Variants in KANSL1L observed in about 807,000 individuals in gnomAD.
KANSL1L encodes KAT8 regulatory NSL complex subunit 1-like protein.
Under a neutral mutation model 108.6 loss-of-function variants are expected in KANSL1L, and 25 were observed. The ratio of observed to expected loss-of-function variants is 0.23; its 90% CI spans 0.17 to 0.32. KANSL1L has a LOEUF of 0.32. Among genes scored for constraint, KANSL1L ranks in the 10% least tolerant of loss-of-function variants. The pLI, the probability that KANSL1L is intolerant of heterozygous loss-of-function variation, is 1.00. For missense variants in KANSL1L, 1,137 were observed against 1,125.7 expected, an observed-to-expected ratio of 1.01 and a Z score of -0.14; for synonymous variants, 405 against 395.1, an observed-to-expected ratio of 1.03 and a Z score of -0.30.
chr2:210,025,015 C>T, intron 13 of KANSL1L, 89 bp downstream of exon 13: 1 of 797,082 alleles, frequency 1.3e-6, no homozygotes. Context: ...GCATGTTTTC[C>T]TTTTTACTGG....
intron 2 of KANSL1L, among the ~76,000 whole-genome samples, chr2:210,134,803 C>T (rs563247044): frequency 2.6e-5 from 4 of 152,140 alleles, no homozygotes; most frequent in African/African-American, 7.2e-5. Context: ...GGAGGGAACT[C>T]GACTAGGAAA....
intron 3 of KANSL1L, among the ~76,000 whole-genome samples, chr2:210,123,978 T>A (rs1034203751): frequency 3.3e-5 from 5 of 152,096 alleles, no homozygotes; most frequent in Non-Finnish European, 4.4e-5. Flanking sequence ...CATTTACACA[T>A]CTAATAAGAG....
chr2:210,025,214 T>C lies in KANSL1L; in HGVS notation c.2454A>G (p.Ile818Met), dbSNP rs528640048. 21 of 1,502,730 alleles carry C rather than the reference T, an allele frequency of 1.4e-5. No homozygotes were observed. The African/African-American group carries it at 2.1e-4, about 15-fold the overall frequency. The allele number at this position is 1,502,730 out of a possible 1,614,324, so 93.1% of individuals were successfully genotyped here. The change falls in exon 13 of 15, where the codon ATA becomes ATG. Residue 818 changes from isoleucine to methionine, a missense_variant and splice_region_variant. Around this residue, in one of 3 missense-constraint regions of KANSL1L, gnomAD observed 575 missense variants for 567.1 expected, o/e 1.01. Coordinates refer to ENST00000281772, the MANE Select transcript of KANSL1L (RefSeq NM_152519.4). ...AGAAGACTTCATCAGAAAGATCTTCTATCTGGAATTAGAAATAAAGATTTT... is the reference window on the plus strand; with the variant it reads ...AGAAGACTTCATCAGAAAGATCTTCCATCTGGAATTAGAAATAAAGATTTT... ...LDEYNLGKEE[I>M]EDLSDEVFSL...
Position 210,153,311 on chromosome 2 carries a change from AC to A in KANSL1L, c.1088+183del. The A allele has an allele frequency of 1.6e-5, 8 of 509,154 alleles. No individual in the cohort carries two copies. In the South Asian group the frequency reaches 2.1e-4, roughly 13 times the overall value. The allele number at this position is 509,154 out of a possible 1,614,324, so 31.5% of individuals were successfully genotyped here. ...GGAGGTTGCAGTGAGCCAGGATTGC[AC>A]CACTACACTCCAGCCTGGGCGACAG... On this transcript the variant is annotated intron_variant, in intron 2 of 14. Coordinates refer to ENST00000281772, the MANE Select transcript of KANSL1L (RefSeq NM_152519.4).
Position 210,171,366 on chromosome 2 carries a change from CGCA to C in KANSL1L, c.-250_-248del, listed in dbSNP as rs1242317852. ...GCGGTTTAACAGTCCGCCCGCTGCC[CGCA>C]GCTCCGTGCGGCTCGGGGGGACGGA... is the stretch of plus-strand genomic sequence containing the variant. On this transcript the variant is annotated 5_prime_UTR_variant, in exon 1 of 15. Transcript: ENST00000281772. The C allele has an allele frequency of 5.8e-6, 1 of 172,650 alleles. No homozygotes were observed. The highest frequency in any genetic ancestry group is 1.2e-5 in the Non-Finnish European group (1 of 84,232). 10.7% of individuals were successfully genotyped at this position (172,650 alleles called of 1,614,324 possible). A position where few individuals can be genotyped will look rare whatever the true frequency, so the allele number is the denominator to read the frequency against.
At chr2:210,084,800 T>C (rs1294575075) in intron 5 of KANSL1L, among the ~76,000 whole-genome samples, 2 of 152,020 alleles carry the variant, frequency 1.3e-5, no homozygotes, top group African/African-American at 4.8e-5. Flanking sequence ...TTAGTAGAGA[T>C]GGGGTTTCAC....
intron 3 of KANSL1L, among the ~76,000 whole-genome samples, chr2:210,127,243 G>A (rs1162973958): frequency 6.6e-6 from 1 of 152,070 alleles, no homozygotes; most frequent in African/African-American, 2.4e-5. Flanking sequence ...ATATCTGAAT[G>A]AAAACAAATG....
At chr2:210,057,932 A>G (rs1311679603) in intron 6 of KANSL1L, among the ~76,000 whole-genome samples, 1 of 152,142 alleles carries the variant, frequency 6.6e-6, no homozygotes, top group South Asian at 2.1e-4. Context: ...GATTGCATTA[A>G]CTGCACAAAT....
chr2:210,031,594 A>G (rs1283620436), intron 8 of KANSL1L, 48 bp from the exon 9 acceptor site: 1 of 1,223,206 alleles, frequency 8.2e-7, no homozygotes, highest in African/African-American at 1.6e-5. Flanking sequence ...CTTAACACAG[A>G]CAGTGAACAT....
rs1559497124 is a variant in KANSL1L at position 210,028,878 on chromosome 2, T to A, written c.2363A>T (p.Glu788Val). Residue 788 changes from glutamate (E) to valine (V), a missense_variant, in exon 11 of 15, where the codon GAG (glutamate) becomes GTG (valine). Around this residue, in one of 3 missense-constraint regions of KANSL1L, gnomAD observed 575 missense variants for 567.1 expected, o/e 1.01. Transcript: ENST00000281772. ...AAGTATTTCCTTATATTGGAGTTTCTCTAATTTAGCTGGGGCTACTAATGA... is the reference window on the plus strand; with the variant it reads ...AAGTATTTCCTTATATTGGAGTTTCACTAATTTAGCTGGGGCTACTAATGA... ...PMSLVAPAKL[E>V]KLQYKEILTP... 6.3e-7 allele frequency: 1 copy of A among 1,599,832 alleles called. No homozygotes were observed.
chr2:210,098,338 A>G, intron 4 of KANSL1L, 131 bp from the exon 5 acceptor site: 3 of 799,126 alleles, frequency 3.8e-6, no homozygotes, highest in Admixed American at 6.6e-5. Flanking sequence ...GTTTTATTTG[A>G]CAAAGACAAT....
chr2:210,152,179 C>T (rs1307307309), intron 2 of KANSL1L: 10 of 152,118 alleles, frequency 6.6e-5, no homozygotes, highest in Non-Finnish European at 1.0e-4. Flanking sequence ...CTGTATGTAT[C>T]CATGTGTGAC....
At chr2:210,023,867 T>TA (rs1328061906) in intron 14 of KANSL1L, among the ~76,000 whole-genome samples, 166 bp downstream of exon 14, 3 of 152,220 alleles carry the variant, frequency 2.0e-5, no homozygotes, top group African/African-American at 7.2e-5. Context: ...ACAAGGTGAT[T>TA]ATAGTTAGTA....
intron 3 of KANSL1L, among the ~76,000 whole-genome samples, chr2:210,120,087 C>A (rs2094999832): frequency 6.6e-6 from 1 of 152,140 alleles, no homozygotes; most frequent in African/African-American, 2.4e-5. Flanking sequence ...GGAAAGAATT[C>A]CCTATTCAGT....
At chr2:210,051,522 CTAA>C (rs2094292267) in intron 6 of KANSL1L, among the ~76,000 whole-genome samples, 1 of 151,890 alleles carries the variant, frequency 6.6e-6, no homozygotes, top group African/African-American at 2.4e-5. Context: ...AGTATTAGTT[CTAA>C]TAATTTATTG....
chr2:210,047,556 G>A (rs1015241083), intron 6 of KANSL1L, among the ~76,000 whole-genome samples: 2 of 152,096 alleles, frequency 1.3e-5, no homozygotes, highest in African/African-American at 2.4e-5. Flanking sequence ...TGGCTTTAAT[G>A]TCTGTATTTC....
intron 2 of KANSL1L, among the ~76,000 whole-genome samples, chr2:210,141,973 C>A (rs1297937562): frequency 2.0e-5 from 3 of 151,282 alleles, no homozygotes; most frequent in Non-Finnish European, 4.4e-5. Context: ...AGGATAGTGA[C>A]AAAGGACATT....
intron 6 of KANSL1L, among the ~76,000 whole-genome samples, chr2:210,062,663 CAA>C (rs2094431964): frequency 6.6e-6 from 1 of 152,098 alleles, no homozygotes; most frequent in African/African-American, 2.4e-5. Context: ...TATGTTTCAG[CAA>C]AGAGACTGGT....
rs1559625131 is a variant in KANSL1L at position 210,171,302 on chromosome 2, GCCGCCGCC to G, written c.-191_-184del. The G allele has an allele frequency of 0.028, 4 of 144 alleles. No individual in the cohort carries two copies. Among genetic ancestry groups the G allele is most frequent in the Non-Finnish European group, 0.11 (3 of 28 alleles). 0.0% of individuals were successfully genotyped at this position (144 alleles called of 1,614,324 possible). A position where few individuals can be genotyped will look rare whatever the true frequency, so the allele number is the denominator to read the frequency against. On this transcript the variant is annotated 5_prime_UTR_variant, in exon 1 of 15. Transcript: ENST00000281772. ...GCGCCCCGCTCCCGCCCCGGCCGCCGCCGCCGCCGCCGCCGCCGCCGCCGCCGCCGCCG... is the reference window on the plus strand; with the variant it reads ...GCGCCCCGCTCCCGCCCCGGCCGCCGGCCGCCGCCGCCGCCGCCGCCGCCG...
Sources: allele counts gnomAD v4.1 joint callset (sites outside exome capture counted in the v4.1 genomes callset), GRCh38; gene constraint gnomAD v4.1.1; regional missense constraint gnomAD v4.1.1; transcripts MANE v1.5; gene names NCBI Gene and HGNC (gene_info 2026-07-23, HGNC 2026-07-21).